ZMYM2: variants seen among roughly 807,000 people sequenced by gnomAD.
ZMYM2 encodes the protein zinc finger MYM-type containing 2, also known as zinc finger MYM-type protein 2.
In ZMYM2, 56 loss-of-function variants were observed where a neutral mutation model predicts 162.8. The observed-to-expected ratio is 0.34, with a 90% CI of 0.28 to 0.43. ZMYM2 has a LOEUF of 0.43. Among genes scored for constraint, ZMYM2 ranks in the 20% least tolerant of loss-of-function variants. The probability of loss-of-function intolerance (pLI) is 1.00; values close to 1 mark genes in which losing one functional copy is unlikely to be tolerated. For missense variants in ZMYM2, 1,275 were observed against 1,621.8 expected (o/e 0.79, Z 3.67); for synonymous variants, 510 against 541.6 (o/e 0.94, Z 0.81).
At chr13:19,951,527 T>TA in the ZMYM2 span, among the ~76,000 whole-genome samples, 1,107 of 76,410 alleles carry the variant, frequency 0.014, 41 homozygotes, top group African/African-American at 0.058. Context: ...CCATCTCTAC[T>TA]AAAAAAAAAA....
chr13:19,977,087 T>TC (rs1956862354), intron 2 of ZMYM2, among the ~76,000 whole-genome samples: 1 of 152,254 alleles, frequency 6.6e-6, no homozygotes, highest in Non-Finnish European at 1.5e-5. Context: ...GTATAGCCAC[T>TC]CCAATTCTCA....
intron 3 of ZMYM2, among the ~76,000 whole-genome samples, chr13:19,995,404 CT>C (rs971140126): frequency 1.3e-5 from 2 of 151,886 alleles, no homozygotes; most frequent in Admixed American, 1.3e-4. Context: ...ATAAGCAATA[CT>C]TTTTTTTCTT....
chr13:20,004,534 C>T (rs1047194146), intron 4 of ZMYM2, among the ~76,000 whole-genome samples: 2 of 152,194 alleles, frequency 1.3e-5, no homozygotes, highest in South Asian at 2.1e-4. Context: ...GGATTACAGG[C>T]GTGAGCCACT....
the ZMYM2 span, among the ~76,000 whole-genome samples, chr13:19,888,652 T>C: frequency 1.3e-5 from 2 of 151,914 alleles, no homozygotes; most frequent in Non-Finnish European, 2.9e-5. Flanking sequence ...CAGGCTGCAG[T>C]GTAATGGTGT....
intron 2 of ZMYM2, among the ~76,000 whole-genome samples, chr13:19,966,147 G>GTT (rs764515835): frequency 3.5e-5 from 5 of 142,144 alleles, no homozygotes; most frequent in Non-Finnish European, 3.1e-5. Flanking sequence ...GTTTTGTTTT[G>GTT]TTTTGAGACA....
chr13:19,871,305 G>T, the ZMYM2 span, among the ~76,000 whole-genome samples: 2 of 152,036 alleles, frequency 1.3e-5, no homozygotes, highest in Admixed American at 1.3e-4. Context: ...CAACAATAAT[G>T]TATAAAATAG....
intron 2 of ZMYM2, among the ~76,000 whole-genome samples, 171 bp downstream of exon 2, chr13:19,960,197 G>A (rs1955043824): frequency 2.0e-5 from 3 of 152,168 alleles, no homozygotes; most frequent in Non-Finnish European, 4.4e-5. Context: ...GCTGGGAGTG[G>A]GCGCTGCTGT....
At chr13:19,919,267 T>A in the ZMYM2 span, among the ~76,000 whole-genome samples, 1 of 152,188 alleles carries the variant, frequency 6.6e-6, no homozygotes, top group Admixed American at 6.5e-5. Context: ...ATTTTTTTGT[T>A]TCCAGCTTTT....
intron 3 of ZMYM2, among the ~76,000 whole-genome samples, chr13:19,997,333 A>G (rs1950089692): frequency 6.6e-6 from 1 of 152,180 alleles, no homozygotes; most frequent in Non-Finnish European, 1.5e-5. Flanking sequence ...TCCTTAGAGT[A>G]TATTCCTACA....
At chr13:20,026,573 G>A (rs1048685549) in intron 7 of ZMYM2, 39 bp from the exon 8 acceptor site, 3 of 1,547,630 alleles carry the variant, frequency 1.9e-6, no homozygotes, top group African/African-American at 2.8e-5. Flanking sequence ...TAGTTAAGTT[G>A]TAGTCTTAAA....
chr13:20,082,169 T>A (rs571858491), intron 22 of ZMYM2, 39 bp downstream of exon 22: 1 of 1,369,036 alleles, frequency 7.3e-7, no homozygotes, highest in Non-Finnish European at 1.0e-6. Context: ...TCTCTTGATA[T>A]TAGGATTGTT....
the ZMYM2 span, among the ~76,000 whole-genome samples, chr13:19,885,847 CAAAAAAA>C: frequency 0.013 from 303 of 22,866 alleles, 39 homozygotes; most frequent in East Asian, 0.06. Flanking sequence ...AACTCTGTCT[CAAAAAAA>C]AAAAAAAAAT....
intron 2 of ZMYM2, among the ~76,000 whole-genome samples, chr13:19,968,264 C>T (rs1714585322): frequency 6.6e-6 from 1 of 152,018 alleles, no homozygotes; most frequent in African/African-American, 2.4e-5. Context: ...TTTTTTGAGC[C>T]AGAGTTTTGC....
chr13:19,915,266 A>C, the ZMYM2 span, among the ~76,000 whole-genome samples: 1,713 of 151,322 alleles, frequency 0.011, 29 homozygotes, highest in African/African-American at 0.033. Context: ...CAGGCTTTTA[A>C]AAAAATTTTA....
chr13:19,886,670 A>G, the ZMYM2 span, among the ~76,000 whole-genome samples: 1 of 151,268 alleles, frequency 6.6e-6, no homozygotes, highest in Non-Finnish European at 1.5e-5. Context: ...TGTTTTTGAG[A>G]CAGGGTCTCA....
At chr13:20,037,979 G>A (rs759694540) in intron 12 of ZMYM2, among the ~76,000 whole-genome samples, 1 of 152,068 alleles carries the variant, frequency 6.6e-6, no homozygotes, top group Non-Finnish European at 1.5e-5. Context: ...CCCAGTGTCT[G>A]TTGTTCCCCT....
chr13:19,980,252 C>T (rs931823957), intron 2 of ZMYM2, among the ~76,000 whole-genome samples: 1 of 151,926 alleles, frequency 6.6e-6, no homozygotes, highest in Non-Finnish European at 1.5e-5. Context: ...TTCTCAGTTG[C>T]TTCCCAGTTG....
chr13:19,989,113 A>G (rs995237761), intron 2 of ZMYM2, among the ~76,000 whole-genome samples: 16 of 152,092 alleles, frequency 1.1e-4, no homozygotes, highest in African/African-American at 3.9e-4. Flanking sequence ...TTTTCCCCCC[A>G]TGAATTTATG....
chr13:19,883,185 CTCAAA>C, the ZMYM2 span, among the ~76,000 whole-genome samples: 9 of 152,136 alleles, frequency 5.9e-5, no homozygotes, highest in African/African-American at 2.2e-4. Flanking sequence ...TAGAAAGTAT[CTCAAA>C]TAAGTAAACC....
Sources: gnomAD v4.1 joint callset for allele counts (sites outside exome capture counted in the v4.1 genomes callset) on GRCh38, gnomAD v4.1.1 for gene constraint, MANE v1.5 for transcripts, NCBI Gene and HGNC (gene_info 2026-07-23, HGNC 2026-07-21) for gene names.